SLC14A2: variants seen among roughly 807,000 people sequenced by gnomAD.
SLC14A2 encodes solute carrier family 14 member 2, also known as urea transporter 2.
A neutral mutation model predicts 104.6 loss-of-function variants in SLC14A2; 91 were observed. The observed-to-expected ratio is 0.87, with a 90% CI of 0.73 to 1.04. The LOEUF (loss-of-function observed/expected upper bound fraction) is 1.04, where lower values mean the gene tolerates loss of function less well. Among genes scored for constraint, SLC14A2 ranks in the 50% least tolerant of loss-of-function variants. The probability of loss-of-function intolerance (pLI) is 0.00; values close to 1 mark genes in which losing one functional copy is unlikely to be tolerated. For synonymous variants in SLC14A2, 476 were observed against 466.4 expected (o/e 1.02, Z -0.27); for missense variants, 1,189 against 1,156.0 (o/e 1.03, Z -0.41).
At chr18:45,540,345 C>G (rs973506334) in intron 2 of SLC14A2, among the ~76,000 whole-genome samples, 5 of 152,174 alleles carry the variant, frequency 3.3e-5, no homozygotes, top group African/African-American at 4.8e-5. Flanking sequence ...ATTCCCACCC[C>G]CAGTGCGCGG....
the SLC14A2 span, among the ~76,000 whole-genome samples, chr18:45,173,449 T>G: frequency 6.6e-6 from 1 of 151,020 alleles, no homozygotes. Flanking sequence ...GTAAAGGAGA[T>G]TGCCTGAAAA....
intron 2 of SLC14A2, among the ~76,000 whole-genome samples, chr18:45,568,856 A>T (rs900096830): frequency 6.6e-6 from 1 of 152,228 alleles, no homozygotes; most frequent in Non-Finnish European, 1.5e-5. Flanking sequence ...TGGCATATCA[A>T]TCTGGAATAA....
intron 1 of SLC14A2, among the ~76,000 whole-genome samples, chr18:45,356,370 A>G (rs999223418): frequency 6.6e-6 from 1 of 152,328 alleles, no homozygotes; most frequent in African/African-American, 2.4e-5. Flanking sequence ...AATAATCATC[A>G]TCATATAGGA....
chr18:45,173,234 C>T, the SLC14A2 span, among the ~76,000 whole-genome samples: 1 of 152,158 alleles, frequency 6.6e-6, no homozygotes, highest in East Asian at 1.9e-4. Flanking sequence ...TCTTCCATCT[C>T]TAAGATTCTG....
intron 2 of SLC14A2, among the ~76,000 whole-genome samples, chr18:45,531,813 C>T (rs931394540): frequency 6.6e-6 from 1 of 152,064 alleles, no homozygotes; most frequent in African/African-American, 2.4e-5. Context: ...AGGTTTTCTT[C>T]TAGGGTTTTT....
At chr18:45,673,530 GT>G (rs980786075) in intron 17 of SLC14A2, among the ~76,000 whole-genome samples, 152 bp from the exon 18 acceptor site, 1 of 152,180 alleles carries the variant, frequency 6.6e-6, no homozygotes, top group African/African-American at 2.4e-5. Flanking sequence ...TCCTTTAGAT[GT>G]TTTTTCACAG....
rs144915715 is a variant in SLC14A2 at position 45,230,758 on chromosome 18, C to T, written c.-125+17567C>T. Among the ~76,000 whole-genome samples the T allele has an allele frequency of 5.1e-3, 779 of 152,236 alleles. 3 individuals are homozygous for T. Among genetic ancestry groups the T allele is most frequent in the Middle Eastern group, 0.027 (8 of 294 alleles). The stretch of plus-strand genomic sequence containing the variant: ...CCTTGTAAGGGTTGGCATAAAAATG[C>T]TTTTAAGAAATGTTGAACTGAATCC... On this transcript the variant is annotated intron_variant, in intron 1 of 20. Transcript: ENST00000586448.
At chr18:45,460,547 G>A (rs180890471) in intron 1 of SLC14A2, among the ~76,000 whole-genome samples, 45 of 152,330 alleles carry the variant, frequency 3.0e-4, no homozygotes, top group African/African-American at 1.1e-3. Flanking sequence ...AACTGTAAGA[G>A]AAGCTAAGAA....
At chr18:45,235,151 A>C (rs911818494) in intron 1 of SLC14A2, among the ~76,000 whole-genome samples, 2 of 152,220 alleles carry the variant, frequency 1.3e-5, no homozygotes, top group African/African-American at 4.8e-5. Flanking sequence ...ATATACTTTC[A>C]GCATCTTATA....
chr18:45,625,961 C>T lies in SLC14A2; in HGVS notation c.331+98C>T, dbSNP rs2045251561. 5.3e-6 allele frequency: 5 copies of T among 945,314 alleles called. No homozygotes were observed. The East Asian group carries it at 1.6e-4, about 30-fold the overall frequency. The allele number at this position is 945,314 out of a possible 1,614,324, so 58.6% of individuals were successfully genotyped here. On this transcript the variant is annotated intron_variant, in intron 3 of 19. Transcript: ENST00000255226. ...CCAAAGCTTCTCCCTCACTCATTCACCCTCACCCTGGGTGGATCTGCCCAG... is the reference window on the plus strand; with the variant it reads ...CCAAAGCTTCTCCCTCACTCATTCATCCTCACCCTGGGTGGATCTGCCCAG...
chr18:45,575,789 C>CTT lies in SLC14A2; in HGVS notation c.-34-48829_-34-48828dup, dbSNP rs201958253. Among the ~76,000 whole-genome samples, 4 of 143,600 alleles carry CTT rather than the reference C, an allele frequency of 2.8e-5. No homozygotes were observed. The South Asian group carries it at 6.7e-4, about 24-fold the overall frequency. 94.2% of individuals were successfully genotyped at this position (143,600 alleles called of 152,430 possible). A position where few individuals can be genotyped will look rare whatever the true frequency, so the allele number is the denominator to read the frequency against. On this transcript the variant is annotated intron_variant, in intron 2 of 20. Transcript: ENST00000586448. ...CTTTGAAAGCCTAGTTTGTCTTGTT[C>CTT]TTTTTTTTTTTTTTCTTCCCACTTT...
At chr18:45,293,461 A>G (rs577637433) in intron 1 of SLC14A2, among the ~76,000 whole-genome samples, 18 of 152,210 alleles carry the variant, frequency 1.2e-4, no homozygotes, top group African/African-American at 4.1e-4. Flanking sequence ...ACCAGAGACA[A>G]TGAGAGAGAC....
At position 45,235,832 on chromosome 18, in the gene SLC14A2, C is replaced by T. The variant is rs556651803; in HGVS notation, c.-125+22641C>T. 9.0e-3 allele frequency among the ~76,000 whole-genome samples: 647 copies of T among 71,502 alleles called. 7 individuals are homozygous for T. Among genetic ancestry groups the T allele is most frequent in the Middle Eastern group, 0.047 (5 of 106 alleles). 46.9% of individuals were successfully genotyped at this position (71,502 alleles called of 152,430 possible). On this transcript the variant is annotated intron_variant, in intron 1 of 20. Transcript: ENST00000586448. ...GTGTGTGTATATATATATATATATA[C>T]GTGTATATATATATGTATATATACA... is the stretch of plus-strand genomic sequence containing the variant.
At chr18:45,526,178 G>T (rs971885755) in intron 2 of SLC14A2, among the ~76,000 whole-genome samples, 1 of 152,146 alleles carries the variant, frequency 6.6e-6, no homozygotes, top group Non-Finnish European at 1.5e-5. Flanking sequence ...GCGTATCTTA[G>T]CTTGCACAAC....
intron 10 of SLC14A2, among the ~76,000 whole-genome samples, chr18:45,653,839 C>A (rs761487905): frequency 4.4e-4 from 67 of 152,214 alleles, no homozygotes; most frequent in Non-Finnish European, 8.8e-4. Context: ...AATACTGTTC[C>A]CCAGCCTGTG....
intron 10 of SLC14A2, among the ~76,000 whole-genome samples, chr18:45,648,407 G>T (rs1050853102): frequency 2.0e-5 from 3 of 151,788 alleles, no homozygotes; most frequent in Non-Finnish European, 4.4e-5. Context: ...GGGTTTCACC[G>T]TGTTAGCCAG....
chr18:45,180,246 G>A, the SLC14A2 span, among the ~76,000 whole-genome samples: 17 of 152,290 alleles, frequency 1.1e-4, no homozygotes, highest in East Asian at 2.9e-3. Flanking sequence ...AACGAGTCAT[G>A]TGACTGGAGC....
At chr18:45,252,007 G>A (rs543593079) in intron 1 of SLC14A2, among the ~76,000 whole-genome samples, 3 of 152,226 alleles carry the variant, frequency 2.0e-5, no homozygotes, top group East Asian at 3.9e-4. Flanking sequence ...CACATCCCTC[G>A]AATCTTTGCT....
chr18:45,401,574 C>G (rs1002074379), intron 1 of SLC14A2, among the ~76,000 whole-genome samples: 2 of 152,156 alleles, frequency 1.3e-5, no homozygotes, highest in Non-Finnish European at 2.9e-5. Context: ...GAATTTGGTG[C>G]ATTTCATTAT....
Sources: allele counts gnomAD v4.1 joint callset (sites outside exome capture counted in the v4.1 genomes callset), GRCh38; gene constraint gnomAD v4.1.1; transcripts MANE v1.5; gene names NCBI Gene and HGNC (gene_info 2026-07-23, HGNC 2026-07-21).